GNA14: variants seen among roughly 807,000 people sequenced by gnomAD.
GNA14 encodes G protein subunit alpha 14.
In GNA14, 50 loss-of-function variants were observed where a neutral mutation model predicts 42.0. The observed-to-expected ratio is 1.19, with a 90% CI of 0.95 to 1.51. The LOEUF (loss-of-function observed/expected upper bound fraction) is 1.51. GNA14 is among the 40% of genes most tolerant of loss of function. GNA14 has a pLI of 0.00. For synonymous variants in GNA14, 173 were observed against 163.1 expected, an observed-to-expected ratio of 1.06 and a Z score of -0.46; for missense variants, 473 against 446.2, an observed-to-expected ratio of 1.06 and a Z score of -0.54.
chr9:77,428,398 A>G (rs996990751), intron 5 of GNA14, among the ~76,000 whole-genome samples: 6 of 152,044 alleles, frequency 3.9e-5, no homozygotes, highest in Admixed American at 3.9e-4. Context: ...CATTTTTAAA[A>G]ACCTCGCCAA....
At chr9:77,617,028 A>C (rs1823833702) in intron 1 of GNA14, among the ~76,000 whole-genome samples, 1 of 151,540 alleles carries the variant, frequency 6.6e-6, no homozygotes, top group Admixed American at 6.6e-5. Context: ...CACCACCACG[A>C]CCGGTTAATT....
chr9:77,437,537 T>A (rs1835657955), intron 2 of GNA14, among the ~76,000 whole-genome samples: 1 of 143,932 alleles, frequency 6.9e-6, no homozygotes, highest in Non-Finnish European at 1.5e-5. Context: ...TGAGACCCTG[T>A]ATAAGAAAGA....
intron 2 of GNA14, among the ~76,000 whole-genome samples, chr9:77,515,122 T>C (rs949736411): frequency 6.7e-6 from 1 of 148,690 alleles, no homozygotes. Context: ...TAAGGTCAAC[T>C]GCATGGGCTC....
At chr9:77,493,882 A>G (rs548381957) in intron 2 of GNA14, among the ~76,000 whole-genome samples, 2 of 152,286 alleles carry the variant, frequency 1.3e-5, no homozygotes, top group East Asian at 3.9e-4. Context: ...TAGAGTGCAC[A>G]AGATTTAACA....
intron 1 of GNA14, among the ~76,000 whole-genome samples, chr9:77,635,516 T>A (rs534638189): frequency 6.6e-6 from 1 of 152,190 alleles, no homozygotes; most frequent in African/African-American, 2.4e-5. Flanking sequence ...AGTTTTGACA[T>A]AGTATTTGAA....
At chr9:77,432,097 A>C (rs1278187132) in intron 3 of GNA14, among the ~76,000 whole-genome samples, 4 of 148,206 alleles carry the variant, frequency 2.7e-5, no homozygotes, top group Admixed American at 7.0e-5. Flanking sequence ...TAGTAAAATA[A>C]GAGAATCCTT....
At chr9:77,541,310 T>C (rs1837658676) in intron 1 of GNA14, among the ~76,000 whole-genome samples, 1 of 152,220 alleles carries the variant, frequency 6.6e-6, no homozygotes, top group Non-Finnish European at 1.5e-5. Context: ...TTGCTGGATA[T>C]AGTATCCTTG....
chr9:77,558,941 C>T (rs12337853), intron 1 of GNA14, among the ~76,000 whole-genome samples: 1 of 147,876 alleles, frequency 6.8e-6, no homozygotes, highest in Non-Finnish European at 1.5e-5. Context: ...AAAAAAAAAA[C>T]AAAAAACAAA....
chr9:77,556,849 C>T (rs1361403208), intron 1 of GNA14, among the ~76,000 whole-genome samples: 1 of 152,162 alleles, frequency 6.6e-6, no homozygotes, highest in Admixed American at 6.5e-5. Flanking sequence ...CAACTTCAGC[C>T]GTTTGGGGAG....
intron 1 of GNA14, among the ~76,000 whole-genome samples, chr9:77,536,815 C>A (rs943343530): frequency 6.6e-6 from 1 of 152,146 alleles, no homozygotes; most frequent in East Asian, 1.9e-4. Context: ...TTATATCAGA[C>A]AAAGTCAATG....
At chr9:77,571,656 C>G (rs1467418113) in intron 1 of GNA14, among the ~76,000 whole-genome samples, 1 of 151,376 alleles carries the variant, frequency 6.6e-6, no homozygotes, top group African/African-American at 2.4e-5. Flanking sequence ...CAAAATTAGC[C>G]AAGCTTGGTG....
At chr9:77,513,153 A>G (rs1837196258) in intron 2 of GNA14, among the ~76,000 whole-genome samples, 1 of 152,260 alleles carries the variant, frequency 6.6e-6, no homozygotes, top group Non-Finnish European at 1.5e-5. Context: ...CCAGGAATAG[A>G]GAATCCAAGA....
chr9:77,610,176 T>G (rs1288237620), intron 1 of GNA14, among the ~76,000 whole-genome samples: 2 of 152,190 alleles, frequency 1.3e-5, no homozygotes, highest in African/African-American at 2.4e-5. Context: ...TTCTTTGGGT[T>G]CATTTATTTC....
At chr9:77,635,727 AT>A (rs1162902635) in intron 1 of GNA14, among the ~76,000 whole-genome samples, 2 of 152,182 alleles carry the variant, frequency 1.3e-5, no homozygotes, top group Non-Finnish European at 2.9e-5. Flanking sequence ...GGCATATCTC[AT>A]AATCAATGTT....
chr9:77,457,470 C>T (rs575980436), intron 2 of GNA14, among the ~76,000 whole-genome samples: 1 of 152,122 alleles, frequency 6.6e-6, no homozygotes, highest in Admixed American at 6.6e-5. Flanking sequence ...TGTGTATGCC[C>T]GTAAGCTTTC....
At chr9:77,568,405 T>C (rs554491128) in intron 1 of GNA14, among the ~76,000 whole-genome samples, 1 of 151,054 alleles carries the variant, frequency 6.6e-6, no homozygotes, top group African/African-American at 2.4e-5. Context: ...GGTAGGAGAA[T>C]CATTTGAACC....
intron 2 of GNA14, 117 bp from the exon 3 acceptor site, chr9:77,434,639 G>A (rs753816309): frequency 2.6e-4 from 213 of 829,530 alleles, no homozygotes; most frequent in Non-Finnish European, 3.9e-4. Flanking sequence ...CTAGGCATGG[G>A]GCGTGGTGGG....
chr9:77,515,846 C>T (rs966940678), intron 2 of GNA14, among the ~76,000 whole-genome samples: 1 of 150,668 alleles, frequency 6.6e-6, no homozygotes. Context: ...CACCTGTAGT[C>T]CCAGTTAGGA....
At chr9:77,505,301 G>T (rs1330375566) in intron 2 of GNA14, among the ~76,000 whole-genome samples, 1 of 152,146 alleles carries the variant, frequency 6.6e-6, no homozygotes, top group African/African-American at 2.4e-5. Context: ...AATAAACTTG[G>T]CAAAGGCTCT....
Sources: allele counts gnomAD v4.1 joint callset (sites outside exome capture counted in the v4.1 genomes callset), GRCh38; gene constraint gnomAD v4.1.1; transcripts MANE v1.5; gene names NCBI Gene and HGNC (gene_info 2026-07-23, HGNC 2026-07-21).